Variants in MERTK observed in about 807,000 individuals in gnomAD.
The protein encoded by MERTK is tyrosine-protein kinase Mer.
Under a neutral mutation model 99.3 loss-of-function variants are expected in MERTK, and 69 were observed. That is an observed-to-expected ratio of 0.70 (90% CI 0.57 to 0.85). MERTK has a LOEUF of 0.85. MERTK is among the 40% of genes least tolerant of loss of function. The pLI is 0.00. For synonymous variants in MERTK, 426 were observed against 467.6 expected (o/e 0.91, Z 1.15); for missense variants, 1,125 against 1,249.4 (o/e 0.90, Z 1.50).
intron 4 of MERTK, among the ~76,000 whole-genome samples, chr2:111,953,763 T>TG (rs1685098256): frequency 6.6e-6 from 1 of 152,130 alleles, no homozygotes; most frequent in African/African-American, 2.4e-5. Context: ...TTTGTAGAGA[T>TG]GGGGTTTCAC....
intron 8 of MERTK, among the ~76,000 whole-genome samples, chr2:111,984,498 A>G (rs1996325): frequency 0.62 from 94,050 of 152,010 alleles, 29,476 homozygotes; most frequent in Middle Eastern, 0.69. Context: ...GCAGCTTTAA[A>G]TTCTGACTCA....
At chr2:112,005,879 T>C (rs1676969502) in intron 13 of MERTK, among the ~76,000 whole-genome samples, 1 of 151,984 alleles carries the variant, frequency 6.6e-6, no homozygotes, top group Non-Finnish European at 1.5e-5. Flanking sequence ...AAGGCTGAAG[T>C]TTATTTATTT....
At chr2:111,947,297 A>AAAATT in intron 3 of MERTK, 97 bp from the exon 4 acceptor site, 1 of 1,222,124 alleles carries the variant, frequency 8.2e-7, no homozygotes, top group Admixed American at 1.8e-5. Flanking sequence ...AAAAAAAGAA[A>AAAATT]TCTATTGCCA....
chr2:111,996,216 A>G (rs1433986017), intron 9 of MERTK: 1 of 154,196 alleles, frequency 6.5e-6, no homozygotes, highest in African/African-American at 2.4e-5. Context: ...AATAACACCC[A>G]TTCCCCAAAA....
At position 112,021,450 on chromosome 2, in the gene MERTK, G is replaced by A; in HGVS notation, c.2218G>A (p.Ala740Thr). The part of the protein sequence containing the change: ...MLRDDMTVCV[A>T]DFGLSKKIYS... ...GCGAGATGACATGACTGTCTGTGTT[G>A]CGGACTTCGGCCTCTCTAAGAAGAT... Residue 740 changes from alanine (A) to threonine (T), a missense_variant, in exon 17 of 19, where the codon GCG (alanine) becomes ACG (threonine). Ala to Thr is a moderately conservative substitution (Grantham distance 58). Coordinates refer to ENST00000295408, the MANE Select transcript of MERTK (RefSeq NM_006343.3). The A allele has an allele frequency of 1.2e-6, 2 of 1,613,662 alleles. No individual in the cohort carries two copies. The highest frequency in any genetic ancestry group is 1.7e-6 in the Non-Finnish European group (2 of 1,179,872).
intron 6 of MERTK, among the ~76,000 whole-genome samples, chr2:111,970,986 A>G (rs1174886312): frequency 2.0e-5 from 3 of 152,138 alleles, no homozygotes; most frequent in Non-Finnish European, 2.9e-5. Context: ...TATTAGCTCA[A>G]TCTTTTTACT....
intron 4 of MERTK, among the ~76,000 whole-genome samples, chr2:111,956,779 A>T (rs1248833177): frequency 6.6e-6 from 1 of 151,176 alleles, no homozygotes; most frequent in Non-Finnish European, 1.5e-5. Context: ...CCCCTACCTC[A>T]GCGCCCCAAG....
Position 111,980,418 on chromosome 2 carries a change from T to C in MERTK, c.1145-2424T>C, listed in dbSNP as rs955932092. 6.8e-4 allele frequency among the ~76,000 whole-genome samples: 99 copies of C among 144,808 alleles called. No individual in the cohort carries two copies. In the East Asian group the frequency reaches 0.017, roughly 24 times the overall value. The allele number at this position is 144,808 out of a possible 152,430, so 95.0% of individuals were successfully genotyped here. ...CTTTGAGACGCAACTATTTCTTTTT[T>C]TTTTTTTTTTTTTTTTTTGAGACGG... is the stretch of plus-strand genomic sequence containing the variant. On this transcript the variant is annotated intron_variant, in intron 7 of 18. Coordinates refer to ENST00000295408, the MANE Select transcript of MERTK (RefSeq NM_006343.3).
At chr2:111,976,548 G>A (rs1676255907) in intron 7 of MERTK, among the ~76,000 whole-genome samples, 1 of 150,900 alleles carries the variant, frequency 6.6e-6, no homozygotes, top group Admixed American at 6.6e-5. Context: ...GTGTGTGTGT[G>A]TGTGTGTGTG....
intron 14 of MERTK, chr2:112,008,776 TTG>T: frequency 2.2e-6 from 1 of 459,372 alleles, no homozygotes; most frequent in Non-Finnish European, 4.0e-6. Context: ...ACAGAGGTGG[TTG>T]TGTTATAATT....
intron 2 of MERTK, among the ~76,000 whole-genome samples, chr2:111,934,795 G>A (rs1684735376): frequency 6.6e-6 from 1 of 152,124 alleles, no homozygotes; most frequent in African/African-American, 2.4e-5. Flanking sequence ...CTTTGCCCAT[G>A]CCTATGTCCT....
intron 8 of MERTK, among the ~76,000 whole-genome samples, chr2:111,985,184 A>G (rs1400241263): frequency 6.6e-6 from 1 of 152,208 alleles, no homozygotes; most frequent in Admixed American, 6.5e-5. Context: ...GCATGACTCC[A>G]GTCAAACCCA....
rs1558805954 is a variant in MERTK, at chr2:112,009,781, C to T, written c.1961-167C>T. ...GGGGGAAAAATACCAGTAGTGGACC[C>T]TGTGTGTGTTCCATTTTCTAGAACA... On this transcript the variant is annotated intron_variant, in intron 14 of 18. Coordinates refer to ENST00000295408, the MANE Select transcript of MERTK (RefSeq NM_006343.3). 9.6e-5 allele frequency: 64 copies of T among 665,172 alleles called. 1 individual carries two copies. In the South Asian group the frequency reaches 1.0e-3, roughly 11 times the overall value. The allele number at this position is 665,172 out of a possible 1,614,324, so 41.2% of individuals were successfully genotyped here.
At chr2:111,941,163 G>C in intron 2 of MERTK, 1 of 331,838 alleles carries the variant, frequency 3.0e-6, no homozygotes, top group South Asian at 3.2e-5. Context: ...CCTTGAGGTA[G>C]TTTGGCTGGG....
Position 112,021,505 on chromosome 2 carries a change from G to A in MERTK, c.2273G>A (p.Arg758His), listed in dbSNP as rs370526555. ...AGTGGCGATTATTACCGCCAAGGCC[G>A]CATTGCTAAGATGCCTGTTAAATGG... ...IYSGDYYRQG[R>H]IAKMPVKWIA... Residue 758 changes from arginine (R) to histidine (H), a missense_variant, in exon 17 of 19, where the codon CGC (arginine) becomes CAC (histidine). Physicochemically the swap from Arg to His is conservative, Grantham distance 29. Transcript: ENST00000295408. 27 of 1,613,944 alleles carry A rather than the reference G, an allele frequency of 1.7e-5. No individual in the cohort carries two copies. In the East Asian group the frequency reaches 2.0e-4, roughly 12 times the overall value.
intron 13 of MERTK, 85 bp downstream of exon 13, chr2:112,004,069 C>T: frequency 8.0e-7 from 1 of 1,249,750 alleles, no homozygotes; most frequent in South Asian, 1.2e-5. Context: ...ATGTCACAAT[C>T]TCAGTTCCCA....
At chr2:112,016,828 G>A (rs4305289) in intron 15 of MERTK, among the ~76,000 whole-genome samples, 83,691 of 152,114 alleles carry the variant, frequency 0.55, 23,696 homozygotes, top group Middle Eastern at 0.68. Flanking sequence ...GGTGGCTCAC[G>A]CCTGTAATCC....
chr2:111,933,131 G>A (rs1451378104), intron 2 of MERTK, among the ~76,000 whole-genome samples: 3 of 152,216 alleles, frequency 2.0e-5, no homozygotes, highest in African/African-American at 4.8e-5. Context: ...TTCTTGGCAA[G>A]AGAGGATGAT....
chr2:112,021,686 C>A, intron 17 of MERTK, 105 bp downstream of exon 17: 1 of 1,095,194 alleles, frequency 9.1e-7, no homozygotes, highest in Non-Finnish European at 1.4e-6. Context: ...CTTTGATAAA[C>A]TGAGGGTTGG....
Sources: allele counts gnomAD v4.1 joint callset (sites outside exome capture counted in the v4.1 genomes callset), GRCh38; gene constraint gnomAD v4.1.1; transcripts MANE v1.5; gene names NCBI Gene and HGNC (gene_info 2026-07-23, HGNC 2026-07-21).